The following NOS1AP variants were observed in gnomAD, a reference collection of about 807,000 sequenced individuals.
NOS1AP encodes the protein nitric oxide synthase 1 adaptor protein.
Under a neutral mutation model 56.2 loss-of-function variants are expected in NOS1AP, and 21 were observed. That is an observed-to-expected ratio of 0.37 (90% CI 0.26 to 0.54). NOS1AP has a LOEUF of 0.54. Among genes scored for constraint, NOS1AP ranks in the 20% least tolerant of loss-of-function variants. The pLI is 0.84. For missense variants in NOS1AP, 522 were observed against 657.8 expected, an observed-to-expected ratio of 0.79 and a Z score of 2.26; for synonymous variants, 270 against 274.6, an observed-to-expected ratio of 0.98 and a Z score of 0.17.
At chr1:162,239,390 G>A (rs184059672) in intron 2 of NOS1AP, among the ~76,000 whole-genome samples, 265 of 152,304 alleles carry the variant, frequency 1.7e-3, no homozygotes, top group South Asian at 7.7e-3. Context: ...CATCAACCAA[G>A]GTTTTGGAGC....
chr1:162,320,628 G>A (rs1656385335), intron 4 of NOS1AP, among the ~76,000 whole-genome samples: 1 of 152,158 alleles, frequency 6.6e-6, no homozygotes, highest in South Asian at 2.1e-4. Flanking sequence ...GGCCGAGGCG[G>A]GAGGATCACA....
At chr1:162,353,207 A>G (rs1266702252) in intron 6 of NOS1AP, among the ~76,000 whole-genome samples, 1 of 152,108 alleles carries the variant, frequency 6.6e-6, no homozygotes. Flanking sequence ...TACTATATCT[A>G]GAGTGAAATT....
At chr1:162,229,890 CT>C (rs1653068377) in intron 2 of NOS1AP, among the ~76,000 whole-genome samples, 1 of 152,000 alleles carries the variant, frequency 6.6e-6, no homozygotes, top group Admixed American at 6.6e-5. Flanking sequence ...CCTTGTGACA[CT>C]TCTTCAGCAA....
At chr1:162,092,900 GGCAA>G (rs892037789) in intron 1 of NOS1AP, among the ~76,000 whole-genome samples, 1 of 152,092 alleles carries the variant, frequency 6.6e-6, no homozygotes, top group Non-Finnish European at 1.5e-5. Flanking sequence ...TCCTTTAAGC[GGCAA>G]GTGTTTGGCT....
intron 1 of NOS1AP, among the ~76,000 whole-genome samples, chr1:162,125,132 T>C (rs1164598312): frequency 7.6e-6 from 1 of 131,936 alleles, no homozygotes; most frequent in Non-Finnish European, 1.6e-5. Flanking sequence ...TTCTGACTCT[T>C]TTTTTTTTTT....
At chr1:162,223,182 T>C (rs1652841947) in intron 2 of NOS1AP, among the ~76,000 whole-genome samples, 1 of 152,216 alleles carries the variant, frequency 6.6e-6, no homozygotes, top group South Asian at 2.1e-4. Flanking sequence ...AAAAAATACC[T>C]TCTTTAGAAT....
intron 2 of NOS1AP, among the ~76,000 whole-genome samples, chr1:162,200,206 T>C (rs1195489763): frequency 1.3e-5 from 2 of 152,294 alleles, no homozygotes; most frequent in Admixed American, 6.5e-5. Context: ...CAAGCCTGGG[T>C]GAGAGCACAT....
At chr1:162,225,251 T>G (rs1055329770) in intron 2 of NOS1AP, among the ~76,000 whole-genome samples, 1 of 152,220 alleles carries the variant, frequency 6.6e-6, no homozygotes, top group African/African-American at 2.4e-5. Context: ...CCTGAAGGCC[T>G]GGACCATCGT....
chr1:162,277,521 A>G (rs911008287), intron 2 of NOS1AP, among the ~76,000 whole-genome samples: 21 of 152,292 alleles, frequency 1.4e-4, no homozygotes, highest in African/African-American at 5.1e-4. Flanking sequence ...TAATGGATGA[A>G]TGCAAGCACA....
chr1:162,347,913 G>A (rs1171833375), intron 6 of NOS1AP, among the ~76,000 whole-genome samples: 1 of 152,146 alleles, frequency 6.6e-6, no homozygotes, highest in Non-Finnish European at 1.5e-5. Context: ...CATCCTTCAA[G>A]CCCAGCACTG....
At chr1:162,196,721 GA>G (rs952638244) in intron 2 of NOS1AP, among the ~76,000 whole-genome samples, 7 of 152,008 alleles carry the variant, frequency 4.6e-5, no homozygotes, top group African/African-American at 1.7e-4. Flanking sequence ...AAAGTGCTTT[GA>G]AAAAATGCAG....
intron 2 of NOS1AP, among the ~76,000 whole-genome samples, chr1:162,185,429 C>T (rs7412698): frequency 0.49 from 74,396 of 152,068 alleles, 20,591 homozygotes; most frequent in East Asian, 0.75. Context: ...GAATCAGTGG[C>T]CATACAGATT....
chr1:162,210,858 C>G (rs981319465), intron 2 of NOS1AP, among the ~76,000 whole-genome samples: 1 of 152,232 alleles, frequency 6.6e-6, no homozygotes, highest in African/African-American at 2.4e-5. Flanking sequence ...TTGCACACAA[C>G]GAGTATGGCC....
At chr1:162,273,156 T>G (rs993301237) in intron 2 of NOS1AP, among the ~76,000 whole-genome samples, 1 of 127,786 alleles carries the variant, frequency 7.8e-6, no homozygotes, top group African/African-American at 2.8e-5. Flanking sequence ...TGGAAGCCCT[T>G]GTTCTTTTTT....
At chr1:162,284,546 T>C (rs183066030) in intron 2 of NOS1AP, among the ~76,000 whole-genome samples, 6 of 152,146 alleles carry the variant, frequency 3.9e-5, no homozygotes, top group Admixed American at 2.0e-4. Context: ...GTCACCATCA[T>C]TGAGGTTTTG....
intron 6 of NOS1AP, among the ~76,000 whole-genome samples, chr1:162,350,001 G>T (rs151143112): frequency 6.6e-6 from 1 of 152,210 alleles, no homozygotes; most frequent in African/African-American, 2.4e-5. Flanking sequence ...TAAACTGCTA[G>T]GAATGTGTTT....
At position 162,170,320 on chromosome 1, in the gene NOS1AP, G is replaced by A. The variant is rs373977020; in HGVS notation, c.177+15844G>A. Among the ~76,000 whole-genome samples, 21 of 152,244 alleles carry A rather than the reference G, an allele frequency of 1.4e-4. 1 individual carries two copies. The highest frequency in any genetic ancestry group is 4.8e-4 in the African/African-American group (20 of 41,534). Reference sequence around the variant, plus strand: ...TCCTCACAAAAGCCCTTGGAGGGAGGTACTGTTATTAGCCCCATTTTACAG... The same window carrying A: ...TCCTCACAAAAGCCCTTGGAGGGAGATACTGTTATTAGCCCCATTTTACAG... On this transcript the variant is annotated intron_variant, in intron 2 of 9. Coordinates refer to ENST00000361897, the MANE Select transcript of NOS1AP (RefSeq NM_014697.3).
intron 2 of NOS1AP, among the ~76,000 whole-genome samples, chr1:162,193,019 GC>G (rs2102157594): frequency 1.3e-5 from 2 of 152,242 alleles, no homozygotes; most frequent in East Asian, 3.9e-4. Context: ...GACAGCCTCT[GC>G]AGAAAAATTC....
At chr1:162,150,042 G>A (rs1649645335) in intron 1 of NOS1AP, among the ~76,000 whole-genome samples, 1 of 151,864 alleles carries the variant, frequency 6.6e-6, no homozygotes, top group Non-Finnish European at 1.5e-5. Context: ...GTTGACTATA[G>A]TCATCCTATT....
Sources: gnomAD v4.1 joint callset for allele counts (sites outside exome capture counted in the v4.1 genomes callset) on GRCh38, gnomAD v4.1.1 for gene constraint, MANE v1.5 for transcripts, NCBI Gene and HGNC (gene_info 2026-07-23, HGNC 2026-07-21) for gene names.